FHIT: variants seen among roughly 807,000 people sequenced by gnomAD.
FHIT encodes the protein fragile histidine triad diadenosine triphosphatase.
Under a neutral mutation model 17.9 loss-of-function variants are expected in FHIT, and 19 were observed. The ratio of observed to expected loss-of-function variants is 1.06; its 90% CI spans 0.74 to 1.56. The LOEUF is 1.56. Among genes scored for constraint, FHIT ranks in the 40% most tolerant of loss-of-function variants. The pLI is 0.00. For missense variants in FHIT, 248 were observed against 189.2 expected (o/e 1.31, Z -1.82); for synonymous variants, 81 against 69.7 (o/e 1.16, Z -0.81).
chr3:60,121,478 G>T (rs1308894322), intron 5 of FHIT, among the ~76,000 whole-genome samples: 1 of 152,026 alleles, frequency 6.6e-6, no homozygotes, highest in African/African-American at 2.4e-5. Context: ...TTGAGGTCAG[G>T]AATTTGAGAC....
chr3:59,943,652 A>G (rs1326101459), intron 7 of FHIT, among the ~76,000 whole-genome samples: 1 of 152,140 alleles, frequency 6.6e-6, no homozygotes, highest in Non-Finnish European at 1.5e-5. Context: ...CTACTCTCTC[A>G]AGTACCAAGA....
chr3:60,184,441 G>C (rs1441466123), intron 5 of FHIT, among the ~76,000 whole-genome samples: 3 of 152,092 alleles, frequency 2.0e-5, no homozygotes, highest in African/African-American at 7.2e-5. Flanking sequence ...GTATGTTGCT[G>C]AAGTCCCTCA....
At chr3:60,839,124 G>A (rs1171123729) in intron 3 of FHIT, among the ~76,000 whole-genome samples, 2 of 152,120 alleles carry the variant, frequency 1.3e-5, no homozygotes, top group East Asian at 1.9e-4. Flanking sequence ...CTCTACTAAG[G>A]AGTAAACTTT....
intron 7 of FHIT, among the ~76,000 whole-genome samples, chr3:60,010,750 A>G (rs1422081910): frequency 6.6e-6 from 1 of 152,110 alleles, no homozygotes; most frequent in African/African-American, 2.4e-5. Context: ...AGCAGAGACT[A>G]TCCTAATAAA....
At chr3:60,730,198 A>G in intron 4 of FHIT, 1 of 348,558 alleles carries the variant, frequency 2.9e-6, no homozygotes, top group Non-Finnish European at 5.8e-6. Flanking sequence ...CCTCTCCCAG[A>G]TTTTCGTGTA....
At chr3:61,106,434 T>C (rs1326456155) in intron 2 of FHIT, among the ~76,000 whole-genome samples, 1 of 152,184 alleles carries the variant, frequency 6.6e-6, no homozygotes, top group East Asian at 1.9e-4. Context: ...TAAAACTGTA[T>C]GTTTTACCAG....
chr3:60,338,367 T>A (rs1327972873), intron 5 of FHIT, among the ~76,000 whole-genome samples: 1 of 152,196 alleles, frequency 6.6e-6, no homozygotes, highest in Non-Finnish European at 1.5e-5. Context: ...CCTATTTATT[T>A]ATTTACTTAT....
intron 5 of FHIT, among the ~76,000 whole-genome samples, chr3:60,390,623 G>A (rs1205581845): frequency 6.6e-6 from 1 of 151,968 alleles, no homozygotes; most frequent in Non-Finnish European, 1.5e-5. Flanking sequence ...CCTTCCAGTG[G>A]GACAAGATGT....
intron 5 of FHIT, among the ~76,000 whole-genome samples, chr3:60,107,817 T>A (rs1704492207): frequency 6.6e-6 from 1 of 152,204 alleles, no homozygotes; most frequent in African/African-American, 2.4e-5. Context: ...TCCATAAGAA[T>A]ATTAAAAACA....
At chr3:61,127,239 A>G (rs911837081) in intron 2 of FHIT, among the ~76,000 whole-genome samples, 7 of 152,164 alleles carry the variant, frequency 4.6e-5, no homozygotes, top group African/African-American at 1.7e-4. Context: ...GCTTGGGCCC[A>G]AGCCATAGTG....
intron 5 of FHIT, among the ~76,000 whole-genome samples, chr3:60,290,848 G>T (rs1707950717): frequency 1.3e-5 from 2 of 152,118 alleles, no homozygotes; most frequent in African/African-American, 4.8e-5. Flanking sequence ...AGGACTTGGG[G>T]TGGGAGGGCT....
intron 5 of FHIT, among the ~76,000 whole-genome samples, chr3:60,268,278 T>C (rs1356628582): frequency 6.6e-6 from 1 of 152,214 alleles, no homozygotes; most frequent in Non-Finnish European, 1.5e-5. Context: ...TATGATGTAC[T>C]GTTGGGATAA....
At chr3:61,205,271 A>T (rs986020143) in intron 1 of FHIT, among the ~76,000 whole-genome samples, 2 of 152,030 alleles carry the variant, frequency 1.3e-5, no homozygotes, top group Non-Finnish European at 2.9e-5. Flanking sequence ...GAATAGTGCC[A>T]CAATAAACAT....
At chr3:60,086,435 A>G (rs1002618763) in intron 5 of FHIT, among the ~76,000 whole-genome samples, 1 of 152,226 alleles carries the variant, frequency 6.6e-6, no homozygotes, top group Non-Finnish European at 1.5e-5. Context: ...AATAGTCCCA[A>G]AAGTCTTAAC....
intron 4 of FHIT, among the ~76,000 whole-genome samples, chr3:60,636,361 G>A (rs1189330121): frequency 2.6e-5 from 4 of 152,052 alleles, no homozygotes; most frequent in African/African-American, 4.8e-5. Flanking sequence ...GAGCCATCAC[G>A]CCTGGCCAGA....
intron 3 of FHIT, among the ~76,000 whole-genome samples, chr3:60,926,704 C>A (rs1186092712): frequency 1.3e-5 from 2 of 152,180 alleles, no homozygotes; most frequent in Non-Finnish European, 2.9e-5. Flanking sequence ...TAACTAACAT[C>A]AGAGCAGAAC....
At chr3:60,510,367 G>A (rs573066193) in intron 5 of FHIT, among the ~76,000 whole-genome samples, 20 of 152,136 alleles carry the variant, frequency 1.3e-4, no homozygotes, top group Non-Finnish European at 2.4e-4. Flanking sequence ...GAGTTTAAAC[G>A]GCCATGATTC....
intron 8 of FHIT, among the ~76,000 whole-genome samples, chr3:59,762,149 T>C (rs1054129113): frequency 5.9e-5 from 9 of 152,108 alleles, no homozygotes; most frequent in Non-Finnish European, 8.8e-5. Context: ...ATGGCTACAC[T>C]GGACAAAGGG....
chr3:61,249,993 C>CACACACACACA, intron 1 of FHIT, among the ~76,000 whole-genome samples: 1 of 146,848 alleles, frequency 6.8e-6, no homozygotes, highest in African/African-American at 2.6e-5. Flanking sequence ...CACACACAAA[C>CACACACACACA]CCTAGACTTC....
Sources: gnomAD v4.1 joint callset for allele counts (sites outside exome capture counted in the v4.1 genomes callset) on GRCh38, gnomAD v4.1.1 for gene constraint, MANE v1.5 for transcripts, NCBI Gene and HGNC (gene_info 2026-07-23, HGNC 2026-07-21) for gene names.